Variants in POFUT3 observed in about 807,000 individuals in gnomAD.
POFUT3 encodes the protein GDP-fucose protein O-fucosyltransferase 3.
the POFUT3 span, among the ~76,000 whole-genome samples, chr8:33,362,871 A>G: frequency 6.6e-6 from 1 of 152,096 alleles, no homozygotes; most frequent in Non-Finnish European, 1.5e-5. Flanking sequence ...ATGAGACAGA[A>G]GGTTAACAAG....
At chr8:33,316,456 C>T in the POFUT3 span, among the ~76,000 whole-genome samples, 6 of 151,910 alleles carry the variant, frequency 3.9e-5, no homozygotes, top group African/African-American at 1.5e-4. Context: ...CACGGTGGCT[C>T]ATACCTGTAA....
chr8:33,314,943 A>C, the POFUT3 span, among the ~76,000 whole-genome samples: 1 of 152,202 alleles, frequency 6.6e-6, no homozygotes, highest in African/African-American at 2.4e-5. Flanking sequence ...TTGGATGCAC[A>C]AATTGTAATG....
chr8:33,324,462 CT>C, the POFUT3 span, among the ~76,000 whole-genome samples: 44 of 152,218 alleles, frequency 2.9e-4, 1 homozygote, highest in Middle Eastern at 3.4e-3. Context: ...CCAAAACTCA[CT>C]TCCTAATTCA....
the POFUT3 span, among the ~76,000 whole-genome samples, chr8:33,366,468 G>A: frequency 1.3e-5 from 2 of 151,826 alleles, no homozygotes; most frequent in Non-Finnish European, 2.9e-5. Context: ...TGTAAAAATT[G>A]CTGTCTCCAG....
chr8:33,428,234 G>A, the POFUT3 span, among the ~76,000 whole-genome samples: 2 of 152,282 alleles, frequency 1.3e-5, no homozygotes, highest in South Asian at 4.1e-4. Context: ...CTTCAACCAT[G>A]GAGTGTCAAG....
At chr8:33,439,721 G>T in the POFUT3 span, among the ~76,000 whole-genome samples, 6 of 151,788 alleles carry the variant, frequency 4.0e-5, no homozygotes, top group Non-Finnish European at 7.4e-5. Context: ...CAAAAAATTA[G>T]TCAGGTACAG....
the POFUT3 span, among the ~76,000 whole-genome samples, chr8:33,318,708 TATAA>T: frequency 1.2e-5 from 1 of 82,904 alleles, no homozygotes; most frequent in Non-Finnish European, 2.1e-5. Flanking sequence ...TTATATAATA[TATAA>T]ATATATTGTA....
At chr8:33,443,853 T>C in the POFUT3 span, among the ~76,000 whole-genome samples, 1 of 151,832 alleles carries the variant, frequency 6.6e-6, no homozygotes, top group Admixed American at 6.6e-5. Flanking sequence ...TGGCCAGGCA[T>C]GGGGACTCAT....
At chr8:33,441,151 T>C in the POFUT3 span, among the ~76,000 whole-genome samples, 154 of 151,870 alleles carry the variant, frequency 1.0e-3, no homozygotes, top group African/African-American at 3.6e-3. Flanking sequence ...GCCAACATGG[T>C]GAAACCCCAT....
chr8:33,456,016 G>A, the POFUT3 span: 3 of 327,202 alleles, frequency 9.2e-6, no homozygotes. Flanking sequence ...CAACACTAGA[G>A]CAGCAGAGCC....
the POFUT3 span, among the ~76,000 whole-genome samples, chr8:33,363,315 C>T: frequency 6.6e-6 from 1 of 152,086 alleles, no homozygotes; most frequent in Non-Finnish European, 1.5e-5. Context: ...CTAGAGAAAG[C>T]AGGAAAGATC....
At chr8:33,442,307 G>C in the POFUT3 span, among the ~76,000 whole-genome samples, 1 of 124,028 alleles carries the variant, frequency 8.1e-6, no homozygotes, top group African/African-American at 3.1e-5. Flanking sequence ...TTTTGGGGGG[G>C]GACAGAGTCT....
the POFUT3 span, among the ~76,000 whole-genome samples, chr8:33,455,347 C>T: frequency 6.6e-6 from 1 of 152,088 alleles, no homozygotes; most frequent in Non-Finnish European, 1.5e-5. Flanking sequence ...GAAGTGCTGC[C>T]TTTTCATCAA....
At chr8:33,445,940 A>G in the POFUT3 span, among the ~76,000 whole-genome samples, 4 of 152,286 alleles carry the variant, frequency 2.6e-5, no homozygotes, top group African/African-American at 9.6e-5. Context: ...CCACCCAAAG[A>G]CACCAGCTCC....
At chr8:33,383,934 G>T in the POFUT3 span, among the ~76,000 whole-genome samples, 3 of 149,574 alleles carry the variant, frequency 2.0e-5, no homozygotes, top group Non-Finnish European at 3.0e-5. Flanking sequence ...TTAATTCACC[G>T]TTCTGACCCC....
At chr8:33,465,497 CTGT>C in the POFUT3 span, among the ~76,000 whole-genome samples, 1 of 151,992 alleles carries the variant, frequency 6.6e-6, no homozygotes, top group South Asian at 2.1e-4. Flanking sequence ...GGGTCTCGCT[CTGT>C]TGCCCAGGCT....
the POFUT3 span, among the ~76,000 whole-genome samples, chr8:33,311,133 C>T: frequency 1.3e-5 from 2 of 152,164 alleles, no homozygotes; most frequent in Admixed American, 6.6e-5. Context: ...ATTCTCCTTG[C>T]TTTATTTGCT....
the POFUT3 span, among the ~76,000 whole-genome samples, chr8:33,446,494 C>T: frequency 1.3e-4 from 19 of 151,276 alleles, no homozygotes; most frequent in Non-Finnish European, 2.2e-4. Context: ...TGTCCTTTGG[C>T]GCCTGGCACA....
the POFUT3 span, among the ~76,000 whole-genome samples, chr8:33,373,624 A>G: frequency 6.6e-6 from 1 of 152,078 alleles, no homozygotes; most frequent in Non-Finnish European, 1.5e-5. Context: ...AATGGCCTAC[A>G]TGTTCAGGAT....
Sources: allele counts gnomAD v4.1 joint callset (sites outside exome capture counted in the v4.1 genomes callset), GRCh38; gene constraint gnomAD v4.1.1; transcripts MANE v1.5; gene names NCBI Gene and HGNC (gene_info 2026-07-23, HGNC 2026-07-21).